The following LINC00305 variants were observed in gnomAD, a reference collection of about 807,000 sequenced individuals.
LINC00305 encodes long intergenic non-protein coding RNA 305.
At chr18:64,101,006 G>GA (rs1258723709) in intron 1 of LINC00305, among the ~76,000 whole-genome samples, 5 of 152,140 alleles carry the variant, frequency 3.3e-5, no homozygotes, top group African/African-American at 1.2e-4. Context: ...CAAATGGTTT[G>GA]AAAGACCCTT....
At chr18:64,115,109 T>C (rs2051332035) in intron 1 of LINC00305, among the ~76,000 whole-genome samples, 2 of 152,130 alleles carry the variant, frequency 1.3e-5, no homozygotes, top group Non-Finnish European at 2.9e-5. Context: ...TGTGCTGAAA[T>C]TTAGGGGAGG....
chr18:64,087,791 T>C lies in LINC00305; in HGVS notation n.541-7389A>G, dbSNP rs1198178401. ...TTGTCTGGTGCTAACCATTACTCAA[T>C]AGAAATTCAGAGAGAAGCAGCCAGG... On this transcript the variant is annotated intron_variant and non_coding_transcript_variant, in intron 3 of 3. Coordinates refer to ENST00000666468, the Ensembl canonical transcript of LINC00305. 1.3e-4 allele frequency among the ~76,000 whole-genome samples: 20 copies of C among 152,148 alleles called. No individual in the cohort carries two copies. The East Asian group carries it at 3.5e-3, about 26-fold the overall frequency.
At chr18:64,080,810 A>G (rs2051182123) in intron 3 of LINC00305, among the ~76,000 whole-genome samples, 1 of 152,224 alleles carries the variant, frequency 6.6e-6, no homozygotes, top group Non-Finnish European at 1.5e-5. Flanking sequence ...GTAAGACTGT[A>G]TATGAAGATA....
At chr18:64,119,047 A>G (rs2051350368) in intron 1 of LINC00305, among the ~76,000 whole-genome samples, 2 of 152,186 alleles carry the variant, frequency 1.3e-5, no homozygotes, top group African/African-American at 4.8e-5. Context: ...ACATACAAGT[A>G]TACAAAAAAA....
chr18:64,143,611 T>C (rs1186731850), intron 1 of LINC00305, among the ~76,000 whole-genome samples: 5 of 114,756 alleles, frequency 4.4e-5, no homozygotes, highest in Admixed American at 7.8e-5. Flanking sequence ...TATATGTACA[T>C]ATGTACACAT....
chr18:64,136,877 A>G (rs549775973), intron 1 of LINC00305, among the ~76,000 whole-genome samples: 33 of 144,944 alleles, frequency 2.3e-4, no homozygotes, highest in Non-Finnish European at 4.1e-4. Context: ...ACTGAAGGAC[A>G]TGCTGGCTTG....
Position 64,147,252 on chromosome 18 carries a change from T to C in LINC00305, n.314+1523A>G, listed in dbSNP as rs575210921. 3 of 152,306 alleles carry C rather than the reference T, an allele frequency of 2.0e-5. No individual in the cohort carries two copies. In the South Asian group the frequency reaches 6.2e-4, roughly 32 times the overall value. The allele number at this position is 152,306 out of a possible 1,614,324, so 9.4% of individuals were successfully genotyped here. On this transcript the variant is annotated intron_variant and non_coding_transcript_variant, in intron 1 of 3. Coordinates refer to ENST00000666468, the Ensembl canonical transcript of LINC00305. The stretch of plus-strand genomic sequence containing the variant: ...ATCTTTAAACTAATTGGATACCTTA[T>C]AAAGATTATAGCAAATGGGTGTGGT...
chr18:64,114,451 G>A (rs1014143309), intron 1 of LINC00305, among the ~76,000 whole-genome samples: 3 of 152,112 alleles, frequency 2.0e-5, no homozygotes, highest in African/African-American at 4.8e-5. Flanking sequence ...GGAGGATTCT[G>A]GTTTGATTGA....
At chr18:64,134,348 T>C (rs1226048859) in intron 1 of LINC00305, among the ~76,000 whole-genome samples, 1 of 152,224 alleles carries the variant, frequency 6.6e-6, no homozygotes, top group Non-Finnish European at 1.5e-5. Context: ...TTATGTCCAG[T>C]ATTTATATAA....
chr18:64,129,926 A>G (rs527973191), intron 1 of LINC00305, among the ~76,000 whole-genome samples: 1 of 152,014 alleles, frequency 6.6e-6, no homozygotes, highest in East Asian at 1.9e-4. Context: ...TTAAATGTTG[A>G]GAAGACTGCT....
intron 3 of LINC00305, among the ~76,000 whole-genome samples, chr18:64,088,881 A>G (rs1599205220): frequency 6.6e-6 from 1 of 152,242 alleles, no homozygotes; most frequent in South Asian, 2.1e-4. Flanking sequence ...TAAACAGATA[A>G]AAAAAGGGAC....
chr18:64,145,622 G>A (rs2051493861), intron 1 of LINC00305, among the ~76,000 whole-genome samples: 2 of 152,078 alleles, frequency 1.3e-5, no homozygotes, highest in Non-Finnish European at 2.9e-5. Context: ...CAACATGTTG[G>A]CCAGGCTGGT....
intron 1 of LINC00305, among the ~76,000 whole-genome samples, chr18:64,130,230 T>A (rs11661093): frequency 0.16 from 24,645 of 152,138 alleles, 2,079 homozygotes; most frequent in African/African-American, 0.19. Context: ...TTGGAGATAC[T>A]ATGCTTTTAT....
intron 1 of LINC00305, among the ~76,000 whole-genome samples, chr18:64,116,432 A>T (rs77852648): frequency 3.3e-5 from 5 of 152,212 alleles, no homozygotes; most frequent in Non-Finnish European, 7.3e-5. Context: ...TAAACATCTT[A>T]AGAATATTTA....
intron 1 of LINC00305, among the ~76,000 whole-genome samples, chr18:64,115,645 G>C (rs980620604): frequency 6.6e-6 from 1 of 152,116 alleles, no homozygotes; most frequent in Non-Finnish European, 1.5e-5. Flanking sequence ...TCTGTTCAAG[G>C]AGGCCTCAAT....
At chr18:64,147,812 T>C (rs2051505086) in intron 1 of LINC00305, among the ~76,000 whole-genome samples, 1 of 152,122 alleles carries the variant, frequency 6.6e-6, no homozygotes, top group South Asian at 2.1e-4. Flanking sequence ...TAATTCATAA[T>C]TGGTTTTCTC....
intron 1 of LINC00305, among the ~76,000 whole-genome samples, chr18:64,144,577 C>T (rs571604367): frequency 6.6e-6 from 1 of 152,008 alleles, no homozygotes; most frequent in African/African-American, 2.4e-5. Context: ...GGTCTGATCT[C>T]AGCTCATTGC....
At chr18:64,117,827 C>T (rs749731050) in intron 1 of LINC00305, among the ~76,000 whole-genome samples, 59 of 152,106 alleles carry the variant, frequency 3.9e-4, no homozygotes, top group South Asian at 6.2e-4. Context: ...TGATATTTAC[C>T]GTCAATCTGT....
intron 1 of LINC00305, among the ~76,000 whole-genome samples, chr18:64,141,052 TA>T (rs34175314): frequency 0.22 from 21,440 of 95,738 alleles, 1,621 homozygotes; most frequent in African/African-American, 0.24. Flanking sequence ...GCCTGAATGA[TA>T]AAAAAAAAAA....
Sources: gnomAD v4.1 joint callset for allele counts (sites outside exome capture counted in the v4.1 genomes callset) on GRCh38, gnomAD v4.1.1 for gene constraint, MANE v1.5 for transcripts, NCBI Gene and HGNC (gene_info 2026-07-23, HGNC 2026-07-21) for gene names.